The following SLC22A23 variants were observed in gnomAD, a reference collection of about 807,000 sequenced individuals.
SLC22A23 encodes the protein solute carrier family 22 member 23.
In SLC22A23, 26 loss-of-function variants were observed where a neutral mutation model predicts 61.0. The ratio of observed to expected loss-of-function variants is 0.43; its 90% CI spans 0.31 to 0.59. The LOEUF (loss-of-function observed/expected upper bound fraction) is 0.59, where lower values mean the gene tolerates loss of function less well. Ranked by LOEUF, SLC22A23 falls within the 20% of genes least tolerant of loss-of-function variation. The probability of loss-of-function intolerance (pLI) is 0.11; values close to 1 mark genes in which losing one functional copy is unlikely to be tolerated. For missense variants in SLC22A23, 796 were observed against 934.7 expected (o/e 0.85, Z 1.94); for synonymous variants, 430 against 413.9 (o/e 1.04, Z -0.47).
rs1478446576 is a variant in SLC22A23 at position 3,455,908 on chromosome 6, T to G, written c.652A>C (p.Lys218Gln). ...RAGLVQNVVS[K>Q]WDLVCDNAWK... ...GACTGGGCGGCTGCGGCCCTTACCTTGCTGACCACGTTCTGGACGAGGCCG... is the reference window on the plus strand; with the variant it reads ...GACTGGGCGGCTGCGGCCCTTACCTGGCTGACCACGTTCTGGACGAGGCCG... Residue 218 changes from lysine to glutamine, a missense_variant and splice_region_variant, in exon 1 of 10, where the codon AAG (lysine) becomes CAG (glutamine). Physicochemically the swap from Lys to Gln is moderately conservative, Grantham distance 53. Coordinates refer to ENST00000406686, the MANE Select transcript of SLC22A23 (RefSeq NM_015482.2). 1 of 1,498,560 alleles carries G rather than the reference T, an allele frequency of 6.7e-7. No individual in the cohort carries two copies. Among genetic ancestry groups the G allele is most frequent in the South Asian group, 1.3e-5 (1 of 76,342 alleles). The allele number at this position is 1,498,560 out of a possible 1,614,324, so 92.8% of individuals were successfully genotyped here. A position where few individuals can be genotyped will look rare whatever the true frequency, so the allele number is the denominator to read the frequency against.
At position 3,283,974 on chromosome 6, in the gene SLC22A23, C is replaced by T; in HGVS notation, c.1581G>A (p.Gly527=). ...IGKYSQHPDS[G]MSDSVKDKFS... Reference sequence around the variant, plus strand: ...ATTTGTCCTTGACGCTGTCACTCATCCCTGGGGGAAGGTCAGAAGAAGGTG... The same window carrying T: ...ATTTGTCCTTGACGCTGTCACTCATTCCTGGGGGAAGGTCAGAAGAAGGTG... The change falls in exon 9 of 10, where the codon GGG becomes GGA. Residue 527 remains glycine, a splice_region_variant and synonymous_variant. Transcript: ENST00000406686. 2 of 1,602,054 alleles carry T rather than the reference C, an allele frequency of 1.2e-6. No individual in the cohort carries two copies. The highest frequency in any genetic ancestry group is 1.7e-6 in the Non-Finnish European group (2 of 1,170,654).
intron 1 of SLC22A23, among the ~76,000 whole-genome samples, chr6:3,434,848 T>C (rs1002075483): frequency 3.0e-4 from 45 of 152,202 alleles, no homozygotes; most frequent in African/African-American, 1.0e-3. Context: ...AATAGATCTC[T>C]AGGCCAAGAA....
At chr6:3,401,011 C>T (rs1768349092) in intron 3 of SLC22A23, among the ~76,000 whole-genome samples, 1 of 152,182 alleles carries the variant, frequency 6.6e-6, no homozygotes, top group African/African-American at 2.4e-5. Context: ...TCTTGCACAA[C>T]AATGGAAATA....
intron 1 of SLC22A23, among the ~76,000 whole-genome samples, chr6:3,436,500 ACC>A (rs1771222118): frequency 6.6e-6 from 1 of 151,854 alleles, no homozygotes; most frequent in African/African-American, 2.4e-5. Context: ...ATCCTGACTG[ACC>A]CCTCAAGCTT....
chr6:3,391,691 G>T (rs1162616297), intron 3 of SLC22A23, among the ~76,000 whole-genome samples: 2 of 152,278 alleles, frequency 1.3e-5, no homozygotes, highest in African/African-American at 4.8e-5. Context: ...GGTATGCGGA[G>T]ATACAAATAC....
chr6:3,282,832 G>A (rs1759596815), intron 9 of SLC22A23, among the ~76,000 whole-genome samples: 1 of 152,172 alleles, frequency 6.6e-6, no homozygotes, highest in Non-Finnish European at 1.5e-5. Context: ...CTATAAGCAT[G>A]GTGGCAACAG....
Position 3,456,376 on chromosome 6 carries a change from G to C in SLC22A23, c.184C>G (p.Pro62Ala). The C allele has an allele frequency of 8.4e-6, 13 of 1,541,222 alleles. No individual in the cohort carries two copies. Among genetic ancestry groups the C allele is most frequent in the African/African-American group, 1.4e-5 (1 of 72,932 alleles). ...GCCGCGGAGCAGCAGCTCGGGTGCG[G>C]GCCGCCTCCAGGATGCAGTGGGGGC... ...PLPPLHPGGG[P>A]HPSCCSAAAA... Residue 62 changes from proline to alanine, a missense_variant, in exon 1 of 10, where the codon CCG (proline) becomes GCG (alanine). By Grantham distance (27) the Pro-to-Ala change is conservative. Coordinates refer to ENST00000406686, the MANE Select transcript of SLC22A23 (RefSeq NM_015482.2). This position sits in a 1 kb window ranked among gnomAD's most constrained non-coding sequence, Gnocchi z 7.1.
chr6:3,361,688 G>C (rs1765458410), intron 3 of SLC22A23, among the ~76,000 whole-genome samples: 1 of 152,218 alleles, frequency 6.6e-6, no homozygotes. Flanking sequence ...AACACAGCAA[G>C]CCCCATGGGA....
intron 6 of SLC22A23, among the ~76,000 whole-genome samples, 178 bp downstream of exon 6, chr6:3,289,586 G>A (rs1263408695): frequency 6.6e-6 from 1 of 152,210 alleles, no homozygotes; most frequent in African/African-American, 2.4e-5. Context: ...GGCACCGGCT[G>A]CTTGAGGCTT....
In SLC22A23 at chr6:3,324,223, T is replaced by A; in HGVS notation, c.914-221A>T. On this transcript the variant is annotated intron_variant, in intron 3 of 9. Transcript: ENST00000406686. This position sits in a 1 kb window ranked among gnomAD's most constrained non-coding sequence, Gnocchi z 4.3. Reference sequence around the variant, plus strand: ...AGACGGTTGTTCAAGGCCACAGGGCTAGTCGATGACGAAGGGATGCTATAA... The same window carrying A: ...AGACGGTTGTTCAAGGCCACAGGGCAAGTCGATGACGAAGGGATGCTATAA... The A allele has an allele frequency of 3.5e-6, 2 of 576,472 alleles. No homozygotes were observed. The highest frequency in any genetic ancestry group is 3.1e-6 in the Non-Finnish European group (1 of 325,124). The allele number at this position is 576,472 out of a possible 1,614,324, so 35.7% of individuals were successfully genotyped here. A position where few individuals can be genotyped will look rare whatever the true frequency, so the allele number is the denominator to read the frequency against.
chr6:3,277,845 G>A (rs1441008782), intron 9 of SLC22A23, among the ~76,000 whole-genome samples: 7 of 152,188 alleles, frequency 4.6e-5, no homozygotes, highest in African/African-American at 1.7e-4. Context: ...TCAAATTTAC[G>A]GCCAGGATAG....
intron 4 of SLC22A23, among the ~76,000 whole-genome samples, chr6:3,323,112 TC>T (rs1172816775): frequency 2.0e-5 from 3 of 151,852 alleles, no homozygotes; most frequent in Admixed American, 6.6e-5. Context: ...TGTTTAGTGT[TC>T]CCCCCGTACT....
At position 3,386,579 on chromosome 6, in the gene SLC22A23, T is replaced by C. The variant is rs1180128101; in HGVS notation, c.913+23609A>G. Among the ~76,000 whole-genome samples, 4 of 152,246 alleles carry C rather than the reference T, an allele frequency of 2.6e-5. No individual in the cohort carries two copies. Among genetic ancestry groups the C allele is most frequent in the Admixed American group, 6.5e-5 (1 of 15,292 alleles). ...GGCTGGCACTGCCAGGCTTGGAGGC[T>C]GCTTGCTCCTCAGTAGCCGTGCCAA... On this transcript the variant is annotated intron_variant, in intron 3 of 9. Coordinates refer to ENST00000406686, the MANE Select transcript of SLC22A23 (RefSeq NM_015482.2). This position sits in a 1 kb window ranked among gnomAD's most constrained non-coding sequence, Gnocchi z 4.4.
chr6:3,346,259 G>A (rs962549619), intron 3 of SLC22A23, among the ~76,000 whole-genome samples: 4 of 152,116 alleles, frequency 2.6e-5, no homozygotes, highest in Middle Eastern at 3.2e-3. Context: ...CTGCTCACAC[G>A]TTCATGTACC....
In SLC22A23 at chr6:3,289,781, C is replaced by T; in HGVS notation, c.1296G>A (p.Val432=). Residue 432 remains valine (V), a synonymous_variant, in exon 6 of 10, where the codon GTG becomes GTA. Transcript: ENST00000406686. ...VGTRNLWKNI[V]VLCVNSLTGY... ...TGACTCACGAGTTCACACACAGGACCACAATGTTCTTCCACAGGTTCCGTG... is the reference window on the plus strand; with the variant it reads ...TGACTCACGAGTTCACACACAGGACTACAATGTTCTTCCACAGGTTCCGTG... The T allele has an allele frequency of 6.2e-7, 1 of 1,614,012 alleles. No individual in the cohort carries two copies. Among genetic ancestry groups the T allele is most frequent in the Non-Finnish European group, 8.5e-7 (1 of 1,180,010 alleles).
In SLC22A23 at chr6:3,372,732, C is replaced by T. The variant is rs146375769; in HGVS notation, c.913+37456G>A. Among the ~76,000 whole-genome samples, 95 of 152,304 alleles carry T rather than the reference C, an allele frequency of 6.2e-4. No individual in the cohort carries two copies. The highest frequency in any genetic ancestry group is 9.8e-4 in the Non-Finnish European group (67 of 68,024). On this transcript the variant is annotated intron_variant, in intron 3 of 9. Coordinates refer to ENST00000406686, the MANE Select transcript of SLC22A23 (RefSeq NM_015482.2). The surrounding 1 kb of genome is among the most constrained non-coding windows in gnomAD (Gnocchi z 4.7). ...GCGTTAGATATGGAGCCTCAGGGTG[C>T]GCAAGTCCTAGGACAATCTAGGCCA...
At chr6:3,438,408 TC>T in intron 1 of SLC22A23, 1 of 418,922 alleles carries the variant, frequency 2.4e-6, no homozygotes, top group Non-Finnish European at 4.7e-6. Context: ...GACTAGATGA[TC>T]CATCAGGCTT....
chr6:3,423,458 T>C (rs1172189879), intron 1 of SLC22A23, among the ~76,000 whole-genome samples: 1 of 152,198 alleles, frequency 6.6e-6, no homozygotes, highest in Non-Finnish European at 1.5e-5. Flanking sequence ...TAATAAGCAA[T>C]GCCCTTTTAG....
In SLC22A23 at chr6:3,386,097, G is replaced by A. The variant is rs1767286504; in HGVS notation, c.913+24091C>T. On this transcript the variant is annotated intron_variant, in intron 3 of 9. Transcript: ENST00000406686. This position sits in a 1 kb window ranked among gnomAD's most constrained non-coding sequence, Gnocchi z 4.4. Reference sequence around the variant, plus strand: ...CCCATTCCTGTGGTCACTGATGAGGGGACTTCAATCGGCTTGAAGAACTCA... The same window carrying A: ...CCCATTCCTGTGGTCACTGATGAGGAGACTTCAATCGGCTTGAAGAACTCA... 6.6e-6 allele frequency among the ~76,000 whole-genome samples: 1 copy of A among 152,158 alleles called. No homozygotes were observed. Among genetic ancestry groups the A allele is most frequent in the Non-Finnish European group, 1.5e-5 (1 of 68,028 alleles).
Sources: allele counts gnomAD v4.1 joint callset (sites outside exome capture counted in the v4.1 genomes callset), GRCh38; gene constraint gnomAD v4.1.1; non-coding constraint Gnocchi (gnomAD v3.1); transcripts MANE v1.5; gene names NCBI Gene and HGNC (gene_info 2026-07-23, HGNC 2026-07-21).